APBB1IP: variants seen among roughly 807,000 people sequenced by gnomAD.
APBB1IP encodes the protein amyloid beta precursor protein binding family B member 1 interacting protein.
A neutral mutation model predicts 64.9 loss-of-function variants in APBB1IP; 27 were observed. That is an observed-to-expected ratio of 0.42 (90% CI 0.31 to 0.57). The LOEUF is 0.57. Ranked by LOEUF, APBB1IP falls within the 20% of genes least tolerant of loss-of-function variation. The pLI is 0.20. For missense variants in APBB1IP, 812 were observed against 845.5 expected (o/e 0.96, Z 0.49); for synonymous variants, 392 against 331.0 (o/e 1.18, Z -2.00).
chr10:26,438,941 G>C (rs1835309736), intron 2 of APBB1IP, 88 bp downstream of exon 2: 2 of 152,298 alleles, frequency 1.3e-5, no homozygotes, highest in South Asian at 4.1e-4. Context: ...AAGCCCGTCG[G>C]GTCCGACGCC....
rs113799490 is a variant in APBB1IP at position 26,481,097 on chromosome 10, A to G, written c.1-11230A>G. On this transcript the variant is annotated intron_variant, in intron 2 of 14. Transcript: ENST00000376236. ...AAAAAAAGGGAACTTAAAATAATCT[A>G]GAGACTTGGCACTCTCTTTCCAACC... 8.5e-3 allele frequency among the ~76,000 whole-genome samples: 1,289 copies of G among 152,270 alleles called. 17 individuals are homozygous for G. Among genetic ancestry groups the G allele is most frequent in the African/African-American group, 0.03 (1,235 of 41,536 alleles).
At chr10:26,533,546 T>C (rs767953039) in intron 9 of APBB1IP, 21 bp downstream of exon 9, 1 of 1,519,026 alleles carries the variant, frequency 6.6e-7, no homozygotes, top group South Asian at 1.3e-5. Context: ...TTTTGCAGAG[T>C]GGAAGAAAAG....
intron 8 of APBB1IP, 84 bp from the exon 9 acceptor site, chr10:26,533,355 C>A: frequency 1.3e-6 from 1 of 763,906 alleles, no homozygotes; most frequent in South Asian, 2.5e-5. Flanking sequence ...TTAACATCTT[C>A]TTTCCAGCAA....
rs544864310 is a variant in APBB1IP at position 26,523,812 on chromosome 10, AT to A, written c.814-9626del. On this transcript the variant is annotated intron_variant, in intron 8 of 14. Coordinates refer to ENST00000376236, the MANE Select transcript of APBB1IP (RefSeq NM_019043.4). The stretch of plus-strand genomic sequence containing the variant: ...GGAGACCTCATTTCTTTAAAAAAAA[AT>A]AAAATATAAATAAATTTCTTAAAAA... Among the ~76,000 whole-genome samples, 722 of 152,166 alleles carry A rather than the reference AT, an allele frequency of 4.7e-3. 4 individuals carry two copies. The highest frequency in any genetic ancestry group is 0.017 in the African/African-American group (691 of 41,528).
intron 2 of APBB1IP, among the ~76,000 whole-genome samples, chr10:26,464,068 G>A (rs1835622850): frequency 6.6e-6 from 1 of 152,146 alleles, no homozygotes; most frequent in African/African-American, 2.4e-5. Flanking sequence ...TTGGGTGTCT[G>A]TCTTGGCTCT....
intron 2 of APBB1IP, among the ~76,000 whole-genome samples, chr10:26,448,278 A>G (rs1211199581): frequency 1.3e-5 from 2 of 152,134 alleles, no homozygotes; most frequent in Non-Finnish European, 2.9e-5. Context: ...TCTGGCCTCA[A>G]GTGATCTTCC....
Position 26,501,034 on chromosome 10 carries a change from G to A in APBB1IP, c.376G>A (p.Asp126Asn), listed in dbSNP as rs565412182. 47 of 1,614,130 alleles carry A rather than the reference G, an allele frequency of 2.9e-5. 2 individuals carry two copies. In the South Asian group the frequency reaches 4.8e-4, roughly 17 times the overall value. ...VAATGISQYE[D>N]DLPPPPADPV... is the part of the protein sequence containing the mutation. ...TGCCACTGGTATCAGCCAATATGAG[G>A]ATGACTTACCACCTCCACCAGCCGA... Residue 126 changes from aspartate to asparagine, a missense_variant, in exon 5 of 15, where the codon GAT (aspartate) becomes AAT (asparagine). Coordinates refer to ENST00000376236, the MANE Select transcript of APBB1IP (RefSeq NM_019043.4).
At chr10:26,456,239 C>T (rs1349740064) in intron 2 of APBB1IP, among the ~76,000 whole-genome samples, 1 of 152,164 alleles carries the variant, frequency 6.6e-6, no homozygotes, top group Non-Finnish European at 1.5e-5. Context: ...TTTCATTTCA[C>T]CTGCATGCAA....
chr10:26,471,930 T>A (rs572467929), intron 2 of APBB1IP, among the ~76,000 whole-genome samples: 40 of 152,202 alleles, frequency 2.6e-4, no homozygotes, highest in Non-Finnish European at 4.1e-4. Flanking sequence ...TGATCCGCCC[T>A]CCTCGGCCTC....
intron 2 of APBB1IP, among the ~76,000 whole-genome samples, chr10:26,477,287 A>T (rs571152753): frequency 6.6e-6 from 1 of 152,302 alleles, no homozygotes; most frequent in South Asian, 2.1e-4. Context: ...AAGTTTGATC[A>T]TTTGGTTAAA....
chr10:26,559,093 A>C (rs543839168), intron 11 of APBB1IP, among the ~76,000 whole-genome samples: 1 of 152,300 alleles, frequency 6.6e-6, no homozygotes, highest in Admixed American at 6.5e-5. Context: ...GGAGTTATAA[A>C]CCCACAATTC....
Position 26,567,704 on chromosome 10 carries a change from G to T in APBB1IP, c.*216G>T, listed in dbSNP as rs915557414. 3 of 1,169,624 alleles carry T rather than the reference G, an allele frequency of 2.6e-6. No homozygotes were observed. The highest frequency in any genetic ancestry group is 5.4e-5 in the East Asian group (1 of 18,514). The allele number at this position is 1,169,624 out of a possible 1,614,324, so 72.5% of individuals were successfully genotyped here. A position where few individuals can be genotyped will look rare whatever the true frequency, so the allele number is the denominator to read the frequency against. On this transcript the variant is annotated 3_prime_UTR_variant, in exon 15 of 15. Coordinates refer to ENST00000376236, the MANE Select transcript of APBB1IP (RefSeq NM_019043.4). The stretch of plus-strand genomic sequence containing the variant: ...GTTCCCATGTATTTTAACCTAAATG[G>T]AATGTATCTTCCCTTCCAAGCTGCC...
intron 2 of APBB1IP, among the ~76,000 whole-genome samples, chr10:26,451,920 T>G (rs185380194): frequency 1.3e-5 from 2 of 152,296 alleles, no homozygotes; most frequent in East Asian, 3.9e-4. Flanking sequence ...GTCAGGATAT[T>G]AGATATCAAT....
intron 11 of APBB1IP, among the ~76,000 whole-genome samples, chr10:26,554,571 T>A (rs532410339): frequency 7.9e-5 from 12 of 152,270 alleles, no homozygotes; most frequent in African/African-American, 2.9e-4. Flanking sequence ...TTGCTTGTTT[T>A]TTGTCGGTTT....
chr10:26,449,343 ATGAC>A (rs1167232744), intron 2 of APBB1IP, among the ~76,000 whole-genome samples: 4 of 152,146 alleles, frequency 2.6e-5, no homozygotes, highest in African/African-American at 4.8e-5. Context: ...GAGAGAATAA[ATGAC>A]TGACACTTTT....
chr10:26,470,431 A>G (rs1474898925), intron 2 of APBB1IP, among the ~76,000 whole-genome samples: 1 of 152,058 alleles, frequency 6.6e-6, no homozygotes, highest in Non-Finnish European at 1.5e-5. Flanking sequence ...CCCAGCTACT[A>G]GGGAGGCTGA....
chr10:26,502,367 C>T (rs757828268), intron 5 of APBB1IP, among the ~76,000 whole-genome samples: 2 of 152,148 alleles, frequency 1.3e-5, no homozygotes, highest in Non-Finnish European at 2.9e-5. Context: ...TTGGGCCAGG[C>T]GTGGTGGCTC....
intron 2 of APBB1IP, among the ~76,000 whole-genome samples, chr10:26,472,097 G>T (rs76481984): frequency 6.6e-6 from 1 of 152,158 alleles, no homozygotes; most frequent in Non-Finnish European, 1.5e-5. Flanking sequence ...ATGGGTGGGG[G>T]CTGCGGGGGG....
rs2479882 is a variant in APBB1IP, at chr10:26,492,873, G to A, written c.72+475G>A. 3.3e-5 allele frequency among the ~76,000 whole-genome samples: 5 copies of A among 152,002 alleles called. No homozygotes were observed. In the South Asian group the frequency reaches 1.0e-3, roughly 31 times the overall value. On this transcript the variant is annotated intron_variant, in intron 3 of 14. Transcript: ENST00000376236. ...TTGTCATTGGTAAACATCTTAACAG[G>A]GTTCAAGAGCAGAGAACCAGTCTGA... is the stretch of plus-strand genomic sequence containing the variant.
Sources: gnomAD v4.1 joint callset for allele counts (sites outside exome capture counted in the v4.1 genomes callset) on GRCh38, gnomAD v4.1.1 for gene constraint, MANE v1.5 for transcripts, NCBI Gene and HGNC (gene_info 2026-07-23, HGNC 2026-07-21) for gene names.